Variants in CZIB observed in about 807,000 individuals in gnomAD.
CZIB encodes UPF0587 protein C1orf123.
In CZIB, 26 loss-of-function variants were observed where a neutral mutation model predicts 28.3. That is an observed-to-expected ratio of 0.92 (90% CI 0.67 to 1.27). CZIB has a LOEUF of 1.27. Among genes scored for constraint, CZIB ranks in the 50% most tolerant of loss-of-function variants. The pLI, the probability that CZIB is intolerant of heterozygous loss-of-function variation, is 0.00. For missense variants in CZIB, 179 were observed against 197.3 expected (o/e 0.91, Z 0.56); for synonymous variants, 78 against 71.1 (o/e 1.10, Z -0.49).
chr1:53,215,998 T>A lies in CZIB; in HGVS notation c.398A>T (p.Gln133Leu), dbSNP rs758039598. ...AGCCCCCAAGTCTCATACCTTCTCC[T>A]GCAGATTAATGTCACTGAAGGCTGT... ...SGTAFSDINL[Q>L]EKDWTDYDEK... Residue 133 changes from glutamine (Q) to leucine (L), a missense_variant, in exon 7 of 8, where the codon CAG becomes CTG. Gln to Leu is a moderately radical substitution (Grantham distance 113). Coordinates refer to ENST00000294360, the MANE Select transcript of CZIB (RefSeq NM_017887.3). 1.2e-6 allele frequency: 2 copies of A among 1,614,022 alleles called. No homozygotes were observed. The highest frequency in any genetic ancestry group is 1.7e-6 in the Non-Finnish European group (2 of 1,179,918).
intron 7 of CZIB, 41 bp downstream of exon 7, chr1:53,215,950 A>G: frequency 1.3e-6 from 2 of 1,585,848 alleles, no homozygotes; most frequent in Non-Finnish European, 1.7e-6. Flanking sequence ...AATTCCCACC[A>G]GGTGCCCTAC....
In CZIB at chr1:53,220,562, C is replaced by G; in HGVS notation, c.6+8G>C. 1 of 1,599,068 alleles carries G rather than the reference C, an allele frequency of 6.3e-7. No homozygotes were observed. Among genetic ancestry groups the G allele is most frequent in the Non-Finnish European group, 8.5e-7 (1 of 1,179,592 alleles). On this transcript the variant is annotated splice_region_variant and intron_variant, in intron 1 of 7. Coordinates refer to ENST00000294360, the MANE Select transcript of CZIB (RefSeq NM_017887.3). Reference sequence around the variant, plus strand: ...TCCGTGTCCCCGCGGCGGGCGGCCTCCCCTCACCCCCATGGTAGCCCTCTC... The same window carrying G: ...TCCGTGTCCCCGCGGCGGGCGGCCTGCCCTCACCCCCATGGTAGCCCTCTC...
chr1:53,216,771 T>TAC lies in CZIB; in HGVS notation c.339+9_339+10dup, dbSNP rs748567835. The TAC allele has an allele frequency of 2.0e-5, 33 of 1,612,920 alleles. No individual in the cohort carries two copies. Among genetic ancestry groups the TAC allele is most frequent in the Non-Finnish European group, 2.5e-5 (30 of 1,179,072 alleles). On this transcript the variant is annotated intron_variant, in intron 6 of 7. Transcript: ENST00000294360. Reference sequence around the variant, plus strand: ...CAAAGACAAAGATTCCCCAGAAAGATACACACACACCTGCGGCTGGAAATC... The same window carrying TAC: ...CAAAGACAAAGATTCCCCAGAAAGATACACACACACACCTGCGGCTGGAAATC...
At position 53,220,361 on chromosome 1, in the gene CZIB, G is replaced by A. The variant is rs761310481; in HGVS notation, c.7-17C>T. 9.3e-6 allele frequency: 15 copies of A among 1,610,018 alleles called. No individual in the cohort carries two copies. The highest frequency in any genetic ancestry group is 2.2e-5 in the East Asian group (1 of 44,884). ...CGCGATTTTCTGAGGGGGAGGGCCA[G>A]AGCGACTGCGTCAGCCGTGCCTGCG... On this transcript the variant is annotated splice_polypyrimidine_tract_variant and intron_variant, in intron 1 of 7. Transcript: ENST00000294360.
At chr1:53,219,967 C>A in intron 2 of CZIB, 1 of 405,002 alleles carries the variant, frequency 2.5e-6, no homozygotes, top group Non-Finnish European at 4.4e-6. Context: ...GCGAACTATT[C>A]ACCTTATTAA....
chr1:53,216,153 G>T, intron 6 of CZIB, 97 bp from the exon 7 acceptor site: 1 of 1,141,830 alleles, frequency 8.8e-7, no homozygotes. Flanking sequence ...TCACACTTCT[G>T]GGATGGAGGA....
intron 5 of CZIB, chr1:53,217,844 A>G: frequency 3.0e-6 from 1 of 333,732 alleles, no homozygotes; most frequent in Non-Finnish European, 5.5e-6. Flanking sequence ...CCAAACGACT[A>G]CCCCACCCAT....
chr1:53,216,973 A>T lies in CZIB; in HGVS notation c.262-114T>A, dbSNP rs1218385498. The T allele has an allele frequency of 1.6e-5, 14 of 882,056 alleles. No homozygotes were observed. The Admixed American group carries it at 2.8e-4, about 17-fold the overall frequency. The allele number at this position is 882,056 out of a possible 1,614,324, so 54.6% of individuals were successfully genotyped here. A position where few individuals can be genotyped will look rare whatever the true frequency, so the allele number is the denominator to read the frequency against. On this transcript the variant is annotated intron_variant, in intron 5 of 7. Coordinates refer to ENST00000294360, the MANE Select transcript of CZIB (RefSeq NM_017887.3). ...ACTGCCCCTGGAGGCCTAGTATGAGACCCAGGAAGAACTCATCCCCTTCTT... is the reference window on the plus strand; with the variant it reads ...ACTGCCCCTGGAGGCCTAGTATGAGTCCCAGGAAGAACTCATCCCCTTCTT...
intron 7 of CZIB, among the ~76,000 whole-genome samples, 167 bp downstream of exon 7, chr1:53,215,824 C>T (rs1283840014): frequency 6.6e-6 from 1 of 152,202 alleles, no homozygotes; most frequent in Non-Finnish European, 1.5e-5. Context: ...TACGTAGGAA[C>T]ATTAGAAAGC....
At position 53,214,715 on chromosome 1, in the gene CZIB, TTTC is replaced by T; in HGVS notation, c.424_426del (p.Glu142del). 1 of 1,614,040 alleles carries T rather than the reference TTTC, an allele frequency of 6.2e-7. No homozygotes were observed. The highest frequency in any genetic ancestry group is 8.5e-7 in the Non-Finnish European group (1 of 1,180,024). On this transcript the variant is annotated inframe_deletion, in exon 8 of 8. Transcript: ENST00000294360. ...TAGATTCCCACAGACTCCTGGGCCT[TTTC>T]ATCATAGTCAGTCCAGTCCTGGGAA...
chr1:53,216,261 G>A (rs1482982318), intron 6 of CZIB, among the ~76,000 whole-genome samples: 1 of 152,180 alleles, frequency 6.6e-6, no homozygotes, highest in Non-Finnish European at 1.5e-5. Flanking sequence ...CTGAATTACA[G>A]CCTTGGACCA....
rs1402152649 is a variant in CZIB at position 53,214,477 on chromosome 1, G to A, written c.*182C>T. On this transcript the variant is annotated 3_prime_UTR_variant, in exon 8 of 8. Transcript: ENST00000294360. Reference sequence around the variant, plus strand: ...TACTTCACCTTCATGCACCAGTGCAGCGTGAACAGGGGCTTTATTGATGGG... The same window carrying A: ...TACTTCACCTTCATGCACCAGTGCAACGTGAACAGGGGCTTTATTGATGGG... 29 of 583,532 alleles carry A rather than the reference G, an allele frequency of 5.0e-5. No individual in the cohort carries two copies. In the Admixed American group the frequency reaches 7.9e-4, roughly 16 times the overall value. The allele number at this position is 583,532 out of a possible 1,614,324, so 36.1% of individuals were successfully genotyped here. A position where few individuals can be genotyped will look rare whatever the true frequency, so the allele number is the denominator to read the frequency against.
chr1:53,220,600 G>A lies in CZIB; in HGVS notation c.-25C>T, dbSNP rs776702846. 1.9e-6 allele frequency: 3 copies of A among 1,595,708 alleles called. No individual in the cohort carries two copies. Among genetic ancestry groups the A allele is most frequent in the African/African-American group, 2.7e-5 (2 of 74,826 alleles). ...TGGTAGCCCTCTCCGCCCGGTGCTGGCTGCGGCCCTTGCCGTTGCTTTCCG... is the reference window on the plus strand; with the variant it reads ...TGGTAGCCCTCTCCGCCCGGTGCTGACTGCGGCCCTTGCCGTTGCTTTCCG... On this transcript the variant is annotated 5_prime_UTR_variant, in exon 1 of 8. Transcript: ENST00000294360.
intron 2 of CZIB, 68 bp downstream of exon 2, chr1:53,220,193 G>A (rs1345018072): frequency 5.8e-6 from 8 of 1,370,024 alleles, no homozygotes; most frequent in Non-Finnish European, 6.1e-6. Context: ...TACTGCCGGA[G>A]AGAAGGCTCC....
chr1:53,214,480 T>C lies in CZIB; in HGVS notation c.*179A>G. On this transcript the variant is annotated 3_prime_UTR_variant, in exon 8 of 8. Coordinates refer to ENST00000294360, the MANE Select transcript of CZIB (RefSeq NM_017887.3). ...TTCACCTTCATGCACCAGTGCAGCG[T>C]GAACAGGGGCTTTATTGATGGGGCT... 2 of 585,792 alleles carry C rather than the reference T, an allele frequency of 3.4e-6. No homozygotes were observed. The highest frequency in any genetic ancestry group is 6.1e-6 in the Non-Finnish European group (2 of 328,546). The allele number at this position is 585,792 out of a possible 1,614,324, so 36.3% of individuals were successfully genotyped here.
intron 7 of CZIB, among the ~76,000 whole-genome samples, chr1:53,215,489 A>G (rs964164582): frequency 6.6e-6 from 1 of 152,214 alleles, no homozygotes; most frequent in Non-Finnish European, 1.5e-5. Context: ...AGGCTTTTCT[A>G]TCTGCAGGGT....
At position 53,214,702 on chromosome 1, in the gene CZIB, G is replaced by A; in HGVS notation, c.440C>T (p.Ser147Phe). 6.2e-7 allele frequency: 1 copy of A among 1,614,068 alleles called. No homozygotes were observed. Reference protein sequence around the residue: ...WTDYDEKAQESVGIYEVTHQF... With the variant: ...WTDYDEKAQEFVGIYEVTHQF... ...GTGGGTGACCTCATAGATTCCCACA[G>A]ACTCCTGGGCCTTTTCATCATAGTC... The change falls in exon 8 of 8, where the codon TCT (serine) becomes TTT (phenylalanine). Residue 147 changes from serine (S) to phenylalanine (F), a missense_variant. By Grantham distance (155) the Ser-to-Phe change is radical. Transcript: ENST00000294360.
In CZIB at chr1:53,216,046, G is replaced by T. The variant is rs781045218; in HGVS notation, c.350C>A (p.Ala117Asp). Residue 117 changes from alanine (A) to aspartate (D), a missense_variant, in exon 7 of 8, where the codon GCT becomes GAT. Coordinates refer to ENST00000294360, the MANE Select transcript of CZIB (RefSeq NM_017887.3). ...TGTCCCTGACTCCACACCTTCAGCA[G>T]CAAACCCAGCCTGCAGGGCACAAGA... Reference protein sequence around the residue: ...PVDFQPQAGFAAEGVESGTAF... With the variant: ...PVDFQPQAGFDAEGVESGTAF... The T allele has an allele frequency of 1.2e-6, 2 of 1,614,094 alleles. No homozygotes were observed. The highest frequency in any genetic ancestry group is 4.5e-5 in the East Asian group (2 of 44,880).
intron 2 of CZIB, 62 bp from the exon 3 acceptor site, chr1:53,218,985 GT>G: frequency 7.0e-7 from 1 of 1,431,818 alleles, no homozygotes; most frequent in Non-Finnish European, 9.9e-7. Context: ...CAAGGAAAGG[GT>G]AAGAACAGTG....
Sources: allele counts gnomAD v4.1 joint callset (sites outside exome capture counted in the v4.1 genomes callset), GRCh38; gene constraint gnomAD v4.1.1; transcripts MANE v1.5; gene names NCBI Gene and HGNC (gene_info 2026-07-23, HGNC 2026-07-21).